The following TMEM53 variants were observed in gnomAD, a reference collection of about 807,000 sequenced individuals.
The protein encoded by TMEM53 is transmembrane protein 53.
TMEM53 carries 14 observed loss-of-function variants against 21.4 expected under a neutral mutation model. The observed-to-expected ratio is 0.65, with a 90% CI of 0.43 to 1.02. The LOEUF is 1.02. Ranked by LOEUF, TMEM53 falls within the 50% of genes least tolerant of loss-of-function variation. The probability of loss-of-function intolerance (pLI) is 0.00; values close to 1 mark genes in which losing one functional copy is unlikely to be tolerated. For synonymous variants in TMEM53, 148 were observed against 157.4 expected (o/e 0.94, Z 0.45); for missense variants, 323 against 383.6 (o/e 0.84, Z 1.32).
chr1:44,658,700 C>T (rs1328516130), intron 2 of TMEM53, among the ~76,000 whole-genome samples: 3 of 152,194 alleles, frequency 2.0e-5, no homozygotes, highest in East Asian at 1.9e-4. Flanking sequence ...TACAGGTGTG[C>T]GCCACCATGC....
Position 44,653,731 on chromosome 1 carries a change from G to A in TMEM53, c.*828C>T, listed in dbSNP as rs1024794106. ...TCGCCCTGCTGGAGCAAAGATCATA[G>A]CCCCTATCCGCAGCCTGACGCTACC... On this transcript the variant is annotated 3_prime_UTR_variant, in exon 3 of 3. Coordinates refer to ENST00000372237, the MANE Select transcript of TMEM53 (RefSeq NM_024587.4). 6.6e-6 allele frequency: 1 copy of A among 152,236 alleles called. No individual in the cohort carries two copies. The highest frequency in any genetic ancestry group is 2.4e-5 in the African/African-American group (1 of 41,452). The allele number at this position is 152,236 out of a possible 1,614,324, so 9.4% of individuals were successfully genotyped here.
intron 1 of TMEM53, among the ~76,000 whole-genome samples, chr1:44,669,268 T>C (rs1031871516): frequency 2.0e-5 from 3 of 152,250 alleles, no homozygotes; most frequent in Non-Finnish European, 4.4e-5. Flanking sequence ...TCTACACCAT[T>C]ATTTTTAGTG....
intron 1 of TMEM53, among the ~76,000 whole-genome samples, chr1:44,669,081 T>C (rs1292696050): frequency 1.3e-5 from 2 of 152,230 alleles, no homozygotes; most frequent in African/African-American, 4.8e-5. Flanking sequence ...TCATGGTGCC[T>C]GGCAGAAGGA....
At chr1:44,660,617 G>A (rs1169067957) in intron 1 of TMEM53, among the ~76,000 whole-genome samples, 3 of 152,110 alleles carry the variant, frequency 2.0e-5, no homozygotes, top group Admixed American at 6.5e-5. Context: ...CTACAACCCC[G>A]GGGCCAAACT....
Position 44,660,291 on chromosome 1 carries a change from G to A in TMEM53, c.66C>T (p.Asn22=), listed in dbSNP as rs1166828000. 2 of 1,612,898 alleles carry A rather than the reference G, an allele frequency of 1.2e-6. No homozygotes were observed. Among genetic ancestry groups the A allele is most frequent in the Non-Finnish European group, 1.7e-6 (2 of 1,179,694 alleles). ...IPDQPCWSQK[N]SPSPGGKEAE... Reference sequence around the variant, plus strand: ...CCTCCTTCCCACCTGGGCTGGGGCTGTTCTCTGAAACACAGATGTGGACTG... The same window carrying A: ...CCTCCTTCCCACCTGGGCTGGGGCTATTCTCTGAAACACAGATGTGGACTG... The change falls in exon 2 of 3, where the codon AAC becomes AAT. Residue 22 remains asparagine (N), a synonymous_variant. Transcript: ENST00000372237.
Position 44,655,328 on chromosome 1 carries a change from C to T in TMEM53, c.184-119G>A. ...ACATAGGCCATGGGGCCCACAGCGTCAGCAATGCTCTGGGTCCTGCTTCAG... is the reference window on the plus strand; with the variant it reads ...ACATAGGCCATGGGGCCCACAGCGTTAGCAATGCTCTGGGTCCTGCTTCAG... On this transcript the variant is annotated intron_variant, in intron 2 of 2. Transcript: ENST00000372237. This position sits in a 1 kb window ranked among gnomAD's most constrained non-coding sequence, Gnocchi z 4.4. The T allele has an allele frequency of 9.9e-7, 1 of 1,012,828 alleles. No individual in the cohort carries two copies. The highest frequency in any genetic ancestry group is 1.4e-6 in the Non-Finnish European group (1 of 711,164). 62.7% of individuals were successfully genotyped at this position (1,012,828 alleles called of 1,614,324 possible). A position where few individuals can be genotyped will look rare whatever the true frequency, so the allele number is the denominator to read the frequency against.
At chr1:44,663,156 C>T (rs1039550490) in intron 1 of TMEM53, among the ~76,000 whole-genome samples, 5 of 152,232 alleles carry the variant, frequency 3.3e-5, no homozygotes, top group Admixed American at 6.5e-5. Flanking sequence ...TGGGCTCAAG[C>T]GATCCTTCTA....
chr1:44,670,347 G>A (rs937030366), intron 1 of TMEM53, among the ~76,000 whole-genome samples: 1 of 152,010 alleles, frequency 6.6e-6, no homozygotes, highest in Non-Finnish European at 1.5e-5. Flanking sequence ...GTTCCCTCCA[G>A]CCACTCACTG....
intron 1 of TMEM53, chr1:44,674,049 G>C (rs562165238): frequency 9.1e-6 from 9 of 985,342 alleles, no homozygotes; most frequent in Non-Finnish European, 1.1e-5. Context: ...TGATTAAAGG[G>C]CATGGACCTG....
At chr1:44,661,461 G>A (rs902828081) in intron 1 of TMEM53, among the ~76,000 whole-genome samples, 1 of 151,144 alleles carries the variant, frequency 6.6e-6, no homozygotes, top group African/African-American at 2.4e-5. Flanking sequence ...GGCTGGTCTC[G>A]AACTCCTGAC....
rs1212001568 is a variant in TMEM53, at chr1:44,654,994, G to A, written c.399C>T (p.Cys133=). 1.1e-5 allele frequency: 17 copies of A among 1,613,912 alleles called. No homozygotes were observed. Among genetic ancestry groups the A allele is most frequent in the Non-Finnish European group, 1.4e-5 (17 of 1,179,848 alleles). ...VLELLQTRRF[C]RLRVVGTIFD... The stretch of plus-strand genomic sequence containing the variant: ...AGATGGTGCCCACCACACGCAGGCG[G>A]CAGAAGCGACGGGTCTGCAGGAGCT... The change falls in exon 3 of 3, where the codon TGC becomes TGT. Residue 133 remains cysteine, a synonymous_variant. Transcript: ENST00000372237. This position sits in a 1 kb window ranked among gnomAD's most constrained non-coding sequence, Gnocchi z 7.0.
At chr1:44,672,950 G>A (rs1356534996) in intron 1 of TMEM53, among the ~76,000 whole-genome samples, 1 of 152,134 alleles carries the variant, frequency 6.6e-6, no homozygotes, top group African/African-American at 2.4e-5. Flanking sequence ...GCTCAGGGAG[G>A]TTCAATAGCT....
chr1:44,674,001 G>C, intron 1 of TMEM53: 1 of 985,468 alleles, frequency 1.0e-6, no homozygotes, highest in Non-Finnish European at 1.2e-6. Flanking sequence ...AAGGAATCAG[G>C]AGGGATCCAG....
At chr1:44,660,766 T>C (rs981947792) in intron 1 of TMEM53, among the ~76,000 whole-genome samples, 1 of 150,822 alleles carries the variant, frequency 6.6e-6, no homozygotes, top group Admixed American at 6.6e-5. Flanking sequence ...GGACGGATCG[T>C]GAGGTCAGGA....
At position 44,655,230 on chromosome 1, in the gene TMEM53, A is replaced by G; in HGVS notation, c.184-21T>C. The G allele has an allele frequency of 6.4e-7, 1 of 1,571,686 alleles. No individual in the cohort carries two copies. The highest frequency in any genetic ancestry group is 8.6e-7 in the Non-Finnish European group (1 of 1,158,326). On this transcript the variant is annotated intron_variant, in intron 2 of 2. Transcript: ENST00000372237. This position sits in a 1 kb window ranked among gnomAD's most constrained non-coding sequence, Gnocchi z 4.4. ...CAGCCCTGGGGAGAGAGGCCTGGTC[A>G]GTCCTCACAGATGAGGTGGGGGTAG...
intron 1 of TMEM53, chr1:44,673,752 G>A (rs1645043019): frequency 1.3e-6 from 1 of 791,734 alleles, no homozygotes; most frequent in Non-Finnish European, 1.5e-6. Context: ...CTGAAGTTCA[G>A]AGAAGGTAGC....
At chr1:44,673,713 T>C (rs908642394) in intron 1 of TMEM53, 7 of 458,118 alleles carry the variant, frequency 1.5e-5, no homozygotes, top group Non-Finnish European at 2.0e-5. Context: ...AAGGTTACTA[T>C]CCTTATCCCG....
Position 44,654,469 on chromosome 1 carries a change from G to A in TMEM53, c.*90C>T, listed in dbSNP as rs1404496770. ...GCAAAGTCCCAAAGGGCTACAGGGAGTTGAACGAGAAGAGTGCCCGACAGA... is the reference window on the plus strand; with the variant it reads ...GCAAAGTCCCAAAGGGCTACAGGGAATTGAACGAGAAGAGTGCCCGACAGA... On this transcript the variant is annotated 3_prime_UTR_variant, in exon 3 of 3. Transcript: ENST00000372237. The surrounding 1 kb of genome is among the most constrained non-coding windows in gnomAD (Gnocchi z 7.0). 2 of 1,473,574 alleles carry A rather than the reference G, an allele frequency of 1.4e-6. No homozygotes were observed. The highest frequency in any genetic ancestry group is 4.6e-5 in the East Asian group (2 of 43,880). 91.3% of individuals were successfully genotyped at this position (1,473,574 alleles called of 1,614,324 possible). A position where few individuals can be genotyped will look rare whatever the true frequency, so the allele number is the denominator to read the frequency against.
chr1:44,660,690 TA>T (rs888146722), intron 1 of TMEM53, among the ~76,000 whole-genome samples: 30 of 149,744 alleles, frequency 2.0e-4, no homozygotes, highest in Admixed American at 2.0e-4. Context: ...TTTAAATGGT[TA>T]AAAAAAAAAT....
Sources: allele counts gnomAD v4.1 joint callset (sites outside exome capture counted in the v4.1 genomes callset), GRCh38; gene constraint gnomAD v4.1.1; non-coding constraint Gnocchi (gnomAD v3.1); transcripts MANE v1.5; gene names NCBI Gene and HGNC (gene_info 2026-07-23, HGNC 2026-07-21).